ANKRD6: variants seen among roughly 807,000 people sequenced by gnomAD.
The protein encoded by ANKRD6 is ankyrin repeat domain 6.
A neutral mutation model predicts 82.3 loss-of-function variants in ANKRD6; 56 were observed. The observed-to-expected ratio is 0.68, with a 90% CI of 0.55 to 0.85. ANKRD6 has a LOEUF of 0.85. ANKRD6 is among the 40% of genes least tolerant of loss of function. The pLI, the probability that ANKRD6 is intolerant of heterozygous loss-of-function variation, is 0.00. For synonymous variants in ANKRD6, 347 were observed against 352.1 expected (o/e 0.99, Z 0.16); for missense variants, 852 against 907.6 (o/e 0.94, Z 0.79).
At position 89,530,360 on chromosome 6, in the gene ANKRD6, A is replaced by G. The variant is rs139581358; in HGVS notation, c.-143-36474A>G. On this transcript the variant is annotated intron_variant, in intron 1 of 15. Transcript: ENST00000339746. ...AAAATGGTGCTGATACGACTTGCTCAAGGTAAGGTTGCCACAAACCTTCAA... is the reference window on the plus strand; with the variant it reads ...AAAATGGTGCTGATACGACTTGCTCGAGGTAAGGTTGCCACAAACCTTCAA... Among the ~76,000 whole-genome samples the G allele has an allele frequency of 3.9e-3, 592 of 152,244 alleles. 3 individuals carry two copies. Among genetic ancestry groups the G allele is most frequent in the African/African-American group, 0.013 (531 of 41,536 alleles).
chr6:89,473,935 C>T (rs772554033), intron 1 of ANKRD6, among the ~76,000 whole-genome samples: 4 of 152,128 alleles, frequency 2.6e-5, no homozygotes, highest in Non-Finnish European at 4.4e-5. Flanking sequence ...GAGCCAAGAT[C>T]GTGCCACTGC....
intron 1 of ANKRD6, among the ~76,000 whole-genome samples, chr6:89,504,464 C>T (rs138856418): frequency 4.2e-4 from 64 of 152,162 alleles, no homozygotes; most frequent in African/African-American, 1.5e-3. Flanking sequence ...AGTGCAGTGG[C>T]ACGATCATAG....
At chr6:89,590,896 C>T (rs893401191) in intron 2 of ANKRD6, among the ~76,000 whole-genome samples, 36 of 152,118 alleles carry the variant, frequency 2.4e-4, no homozygotes, top group African/African-American at 9.7e-5. Flanking sequence ...AATTAGCTAA[C>T]GTGTAAAATT....
intron 1 of ANKRD6, among the ~76,000 whole-genome samples, chr6:89,467,322 A>G (rs1268155083): frequency 6.6e-6 from 1 of 152,218 alleles, no homozygotes; most frequent in Non-Finnish European, 1.5e-5. Context: ...ATTTATAGAT[A>G]TGCTGGGACA....
intron 1 of ANKRD6, among the ~76,000 whole-genome samples, chr6:89,445,487 G>T (rs142877057): frequency 1.3e-5 from 2 of 150,480 alleles, no homozygotes; most frequent in African/African-American, 4.9e-5. Flanking sequence ...TCCCTCTGTC[G>T]CCAGGCTGGA....
At chr6:89,542,902 TG>T (rs747147337) in intron 1 of ANKRD6, among the ~76,000 whole-genome samples, 55 of 152,276 alleles carry the variant, frequency 3.6e-4, no homozygotes, top group Non-Finnish European at 3.7e-4. Flanking sequence ...GTAGCATTTT[TG>T]TTCTTCCTGT....
rs141246290 is a variant in ANKRD6 at position 89,528,069 on chromosome 6, C to G, written c.-143-38765C>G. ...CAAGCAATCCTCCTGCCTTGGCCCC[C>G]CAAAGTGCTGGGATTACAGGCATGA... On this transcript the variant is annotated intron_variant, in intron 1 of 15. Transcript: ENST00000339746. Among the ~76,000 whole-genome samples, 47 of 152,316 alleles carry G rather than the reference C, an allele frequency of 3.1e-4. 1 individual carries two copies. The highest frequency in any genetic ancestry group is 8.7e-4 in the African/African-American group (36 of 41,560).
chr6:89,553,467 C>T (rs1377150627), intron 1 of ANKRD6, among the ~76,000 whole-genome samples: 9 of 152,202 alleles, frequency 5.9e-5, no homozygotes, highest in Non-Finnish European at 1.2e-4. Flanking sequence ...TTGGTGTTTA[C>T]TTCTGAGTAG....
intron 1 of ANKRD6, among the ~76,000 whole-genome samples, chr6:89,505,469 G>T (rs1779733521): frequency 6.6e-6 from 1 of 152,206 alleles, no homozygotes; most frequent in Non-Finnish European, 1.5e-5. Context: ...GAAGAGTGAA[G>T]ATCTGGTCCT....
intron 3 of ANKRD6, among the ~76,000 whole-genome samples, chr6:89,597,739 T>G (rs1489134856): frequency 6.6e-6 from 1 of 152,252 alleles, no homozygotes; most frequent in African/African-American, 2.4e-5. Context: ...ATCTTTTCCT[T>G]GTCCTAGAGA....
At chr6:89,447,118 G>A (rs1772188364) in intron 1 of ANKRD6, among the ~76,000 whole-genome samples, 1 of 152,158 alleles carries the variant, frequency 6.6e-6, no homozygotes, top group South Asian at 2.1e-4. Context: ...GCAGGGCATG[G>A]TGATATGCAC....
chr6:89,574,815 A>G (rs1677479863), intron 2 of ANKRD6, among the ~76,000 whole-genome samples: 1 of 152,190 alleles, frequency 6.6e-6, no homozygotes, highest in Non-Finnish European at 1.5e-5. Flanking sequence ...CACAGGAGGC[A>G]AGGAGGAAAG....
At chr6:89,621,875 A>G (rs1419368603) in intron 9 of ANKRD6, 47 bp from the exon 10 acceptor site, 12 of 1,569,714 alleles carry the variant, frequency 7.6e-6, no homozygotes, top group Non-Finnish European at 1.1e-5. Context: ...TCTCACACAG[A>G]TGCTGCGCAC....
intron 1 of ANKRD6, among the ~76,000 whole-genome samples, chr6:89,493,926 A>G (rs369709336): frequency 2.0e-5 from 3 of 152,312 alleles, no homozygotes; most frequent in East Asian, 3.9e-4. Flanking sequence ...TCAACCCACT[A>G]CAATTGTTAA....
chr6:89,466,993 C>T (rs116724223), intron 1 of ANKRD6, among the ~76,000 whole-genome samples: 244 of 152,212 alleles, frequency 1.6e-3, no homozygotes, highest in Non-Finnish European at 2.8e-3. Flanking sequence ...AGGTGTGAGC[C>T]ACTGTGCCTG....
At chr6:89,534,865 T>A (rs1174961584) in intron 1 of ANKRD6, among the ~76,000 whole-genome samples, 1 of 152,208 alleles carries the variant, frequency 6.6e-6, no homozygotes, top group Non-Finnish European at 1.5e-5. Flanking sequence ...GAGGCAGCTA[T>A]TCCATCTTAA....
intron 2 of ANKRD6, among the ~76,000 whole-genome samples, chr6:89,585,618 A>T (rs948166654): frequency 1.3e-4 from 20 of 152,250 alleles, no homozygotes; most frequent in Admixed American, 5.9e-4. Flanking sequence ...TTTAGAAAGT[A>T]CTAGGGCCGG....
chr6:89,623,432 C>T lies in ANKRD6; in HGVS notation c.920C>T (p.Thr307Ile), dbSNP rs1272406444. 2 of 1,612,204 alleles carry T rather than the reference C, an allele frequency of 1.2e-6. No individual in the cohort carries two copies. Among genetic ancestry groups the T allele is most frequent in the East Asian group, 2.2e-5 (1 of 44,840 alleles). ...QSKGSVSAGD[T>I]PSSEQAVARK... The stretch of plus-strand genomic sequence containing the variant: ...TAGGGCAGTGTCTCAGCAGGAGACA[C>T]CCCCAGCAGTGAACAGGCTGTGGCC... Residue 307 changes from threonine (T) to isoleucine (I), a missense_variant, in exon 11 of 16, where the codon ACC becomes ATC. Transcript: ENST00000339746.
intron 1 of ANKRD6, among the ~76,000 whole-genome samples, chr6:89,530,079 C>A (rs926426699): frequency 6.6e-6 from 1 of 151,832 alleles, no homozygotes; most frequent in Non-Finnish European, 1.5e-5. Flanking sequence ...TGTGGTGAAA[C>A]CCTGCCTATA....
Sources: gnomAD v4.1 joint callset for allele counts (sites outside exome capture counted in the v4.1 genomes callset) on GRCh38, gnomAD v4.1.1 for gene constraint, MANE v1.5 for transcripts, NCBI Gene and HGNC (gene_info 2026-07-23, HGNC 2026-07-21) for gene names.